NDST4: variants seen among roughly 807,000 people sequenced by gnomAD.
The protein encoded by NDST4 is N-heparan sulfate sulfotransferase 4.
In NDST4, 63 loss-of-function variants were observed where a neutral mutation model predicts 100.8. The ratio of observed to expected loss-of-function variants is 0.62; its 90% CI spans 0.51 to 0.77. NDST4 has a LOEUF of 0.77. NDST4 is among the 30% of genes least tolerant of loss of function. NDST4 has a pLI of 0.00. For synonymous variants in NDST4, 377 were observed against 361.8 expected (o/e 1.04, Z -0.48); for missense variants, 943 against 1,018.4 (o/e 0.93, Z 1.01).
intron 2 of NDST4, among the ~76,000 whole-genome samples, chr4:115,035,849 T>C (rs1728222097): frequency 6.6e-6 from 1 of 152,062 alleles, no homozygotes; most frequent in Admixed American, 6.6e-5. Context: ...ACCAAGGATG[T>C]TAGTAAAACA....
chr4:114,852,868 G>T, intron 7 of NDST4, 47 bp from the exon 8 acceptor site: 1 of 1,308,360 alleles, frequency 7.6e-7, no homozygotes, highest in Non-Finnish European at 1.1e-6. Context: ...TGACTGTCTG[G>T]CTCTGTTCTC....
intron 2 of NDST4, among the ~76,000 whole-genome samples, chr4:115,069,642 T>C (rs1194103380): frequency 2.0e-5 from 3 of 152,146 alleles, no homozygotes. Context: ...ATGCCTGTAA[T>C]CCCAGTACTT....
intron 4 of NDST4, among the ~76,000 whole-genome samples, chr4:114,967,376 G>T (rs932451703): frequency 6.6e-6 from 1 of 152,110 alleles, no homozygotes; most frequent in African/African-American, 2.4e-5. Flanking sequence ...TTCTAGCCAC[G>T]CTGACTAAAC....
intron 4 of NDST4, among the ~76,000 whole-genome samples, chr4:114,962,704 A>G (rs1035193808): frequency 2.0e-5 from 3 of 152,112 alleles, no homozygotes; most frequent in Non-Finnish European, 2.9e-5. Context: ...CATGTATCAG[A>G]AGACTTAATA....
chr4:114,963,025 A>C (rs1361517410), intron 4 of NDST4, among the ~76,000 whole-genome samples: 1 of 152,150 alleles, frequency 6.6e-6, no homozygotes, highest in Non-Finnish European at 1.5e-5. Flanking sequence ...TTAAACATAA[A>C]GTTAGTGACC....
At chr4:114,920,925 C>T (rs969731197) in intron 6 of NDST4, among the ~76,000 whole-genome samples, 11 of 152,038 alleles carry the variant, frequency 7.2e-5, no homozygotes, top group African/African-American at 1.9e-4. Context: ...TTCATCTCAG[C>T]CCTCTAAATT....
chr4:114,929,130 A>C (rs1725457584), intron 6 of NDST4, among the ~76,000 whole-genome samples: 1 of 150,736 alleles, frequency 6.6e-6, no homozygotes, highest in Non-Finnish European at 1.5e-5. Context: ...CTATCTATCT[A>C]TCTATCTATC....
chr4:114,988,277 T>A (rs72896731), intron 2 of NDST4, among the ~76,000 whole-genome samples: 13,913 of 151,444 alleles, frequency 0.092, 839 homozygotes, highest in African/African-American at 0.16. Context: ...ATTTTCATGA[T>A]CAATTTTATA....
At chr4:115,109,719 T>C (rs1408739090) in intron 1 of NDST4, among the ~76,000 whole-genome samples, 1 of 151,914 alleles carries the variant, frequency 6.6e-6, no homozygotes, top group Admixed American at 6.6e-5. Flanking sequence ...GTTAATGAAG[T>C]ATATTATCTC....
chr4:115,112,086 C>T (rs1317773306), intron 1 of NDST4, among the ~76,000 whole-genome samples: 1 of 151,376 alleles, frequency 6.6e-6, no homozygotes, highest in African/African-American at 2.4e-5. Context: ...CTCACACACA[C>T]ACACACACGC....
At chr4:115,083,043 A>G (rs913494333) in intron 1 of NDST4, among the ~76,000 whole-genome samples, 2 of 152,096 alleles carry the variant, frequency 1.3e-5, no homozygotes, top group Admixed American at 1.3e-4. Context: ...CTGTGAGAAA[A>G]CTATTTTATT....
intron 6 of NDST4, among the ~76,000 whole-genome samples, chr4:114,890,730 G>T (rs996479628): frequency 1.3e-5 from 2 of 151,916 alleles, no homozygotes; most frequent in Admixed American, 1.3e-4. Context: ...TGTTCGAGTG[G>T]TACTCTCATT....
At chr4:114,992,882 G>T (rs1727072418) in intron 2 of NDST4, among the ~76,000 whole-genome samples, 1 of 151,658 alleles carries the variant, frequency 6.6e-6, no homozygotes, top group South Asian at 2.1e-4. Context: ...TAGCTCCTGG[G>T]TATAGGTGGC....
Position 114,839,464 on chromosome 4 carries a change from A to G in NDST4, c.2200T>C (p.Leu734=). ...AGGCATCTTCTCTGCAAAGTTTTTA[A>G]GTCAGATGGAGCCCAATGTCCTGTT... ...ISTGHWAPSD[L]KTLQRRCLVP... is the part of the protein sequence containing the mutation. The change falls in exon 11 of 14, where the codon TTA becomes CTA. Residue 734 remains leucine (L), a synonymous_variant. Transcript: ENST00000264363. 1.9e-6 allele frequency: 3 copies of G among 1,614,040 alleles called. 1 individual carries two copies. In the South Asian group the frequency reaches 3.3e-5, roughly 18 times the overall value.
In NDST4 at chr4:114,959,596, G is replaced by A. The variant is rs547998182; in HGVS notation, c.1221+10834C>T. On this transcript the variant is annotated intron_variant, in intron 4 of 13. Transcript: ENST00000264363. ...TCCCACCAGGACCCTCCCAAAACAC[G>A]TGGGGATTATGGGAGCTACAATTCA... Among the ~76,000 whole-genome samples the A allele has an allele frequency of 7.1e-4, 108 of 152,200 alleles. 1 individual carries two copies. Among genetic ancestry groups the A allele is most frequent in the East Asian group, 5.8e-4 (3 of 5,174 alleles).
intron 2 of NDST4, among the ~76,000 whole-genome samples, chr4:114,995,992 A>G (rs1266372032): frequency 6.6e-6 from 1 of 152,156 alleles, no homozygotes; most frequent in Non-Finnish European, 1.5e-5. Context: ...TGAAGAAACA[A>G]AAAACTAGAA....
intron 6 of NDST4, among the ~76,000 whole-genome samples, chr4:114,931,715 C>T (rs1251945544): frequency 6.6e-6 from 1 of 151,640 alleles, no homozygotes; most frequent in African/African-American, 2.4e-5. Context: ...CTACTATGAA[C>T]AATGATAAAC....
Position 114,962,922 on chromosome 4 carries a change from G to T in NDST4, c.1221+7508C>A, listed in dbSNP as rs75283452. On this transcript the variant is annotated intron_variant, in intron 4 of 13. Coordinates refer to ENST00000264363, the MANE Select transcript of NDST4 (RefSeq NM_022569.3). Reference sequence around the variant, plus strand: ...TATAATAAAGGTAGATAATAACAAGGGTTGGTGAGAGCAATTGGAACACTC... The same window carrying T: ...TATAATAAAGGTAGATAATAACAAGTGTTGGTGAGAGCAATTGGAACACTC... Among the ~76,000 whole-genome samples, 1,416 of 152,074 alleles carry T rather than the reference G, an allele frequency of 9.3e-3. 14 individuals carry two copies. The highest frequency in any genetic ancestry group is 0.029 in the African/African-American group (1,207 of 41,536).
rs553107546 is a variant in NDST4, at chr4:114,919,886, A to G, written c.1536+15320T>C. Among the ~76,000 whole-genome samples the G allele has an allele frequency of 2.6e-5, 4 of 152,306 alleles. No homozygotes were observed. The East Asian group carries it at 5.8e-4, about 22-fold the overall frequency. On this transcript the variant is annotated intron_variant, in intron 6 of 13. Coordinates refer to ENST00000264363, the MANE Select transcript of NDST4 (RefSeq NM_022569.3). ...GGGATATAATTTGGAAGGAGAGTTG[A>G]CAGTACTTACTGATGAATTTATTCA...
Sources: allele counts gnomAD v4.1 joint callset (sites outside exome capture counted in the v4.1 genomes callset), GRCh38; gene constraint gnomAD v4.1.1; transcripts MANE v1.5; gene names NCBI Gene and HGNC (gene_info 2026-07-23, HGNC 2026-07-21).